Variants in SDC4 observed in about 807,000 individuals in gnomAD.
SDC4 encodes the protein syndecan-4.
SDC4 carries 17 observed loss-of-function variants against 20.5 expected under a neutral mutation model. That is an observed-to-expected ratio of 0.83 (90% CI 0.57 to 1.25). SDC4 has a LOEUF of 1.25. Ranked by LOEUF, SDC4 falls within the 50% of genes most tolerant of loss-of-function variation. SDC4 has a pLI of 0.00. For missense variants in SDC4, 241 were observed against 252.3 expected, an observed-to-expected ratio of 0.96 and a Z score of 0.30; for synonymous variants, 107 against 105.3, an observed-to-expected ratio of 1.02 and a Z score of -0.10.
intron 1 of SDC4, among the ~76,000 whole-genome samples, chr20:45,338,450 A>C (rs1987906262): frequency 2.0e-5 from 3 of 152,210 alleles, no homozygotes; most frequent in Admixed American, 2.0e-4. Context: ...CAGGGGCTGT[A>C]GTTCCATCAG....
At chr20:45,336,722 C>G (rs2267866) in intron 1 of SDC4, among the ~76,000 whole-genome samples, 111,360 of 151,828 alleles carry the variant, frequency 0.73, 41,119 homozygotes, top group East Asian at 0.95. Flanking sequence ...GGAGTGGGCT[C>G]CTGGTTCTGG....
intron 1 of SDC4, chr20:45,345,429 C>T (rs1988018235): frequency 1.3e-5 from 2 of 152,148 alleles, no homozygotes; most frequent in Non-Finnish European, 2.9e-5. Flanking sequence ...GAGGCCTCCC[C>T]CCAACCTCAT....
In SDC4 at chr20:45,325,441, G is replaced by A. The variant is rs919358268; in HGVS notation, c.*1823C>T. On this transcript the variant is annotated 3_prime_UTR_variant, in exon 5 of 5. Coordinates refer to ENST00000372733, the MANE Select transcript of SDC4 (RefSeq NM_002999.4). The stretch of plus-strand genomic sequence containing the variant: ...GAGGACCCAGCCAGCTGGGACCCTG[G>A]GTTGCAGTGGTGACGGGAGCTAATG... 6.5e-6 allele frequency: 1 copy of A among 152,776 alleles called. No homozygotes were observed. The highest frequency in any genetic ancestry group is 1.5e-5 in the Non-Finnish European group (1 of 68,152). 9.5% of individuals were successfully genotyped at this position (152,776 alleles called of 1,614,324 possible).
chr20:45,343,791 A>C (rs1470874286), intron 1 of SDC4, among the ~76,000 whole-genome samples: 3 of 152,190 alleles, frequency 2.0e-5, no homozygotes, highest in Non-Finnish European at 4.4e-5. Context: ...GGGAACTGTC[A>C]CTAAGTAACA....
At chr20:45,333,476 C>T (rs1303462594) in intron 2 of SDC4, among the ~76,000 whole-genome samples, 5 of 152,196 alleles carry the variant, frequency 3.3e-5, no homozygotes, top group African/African-American at 1.2e-4. Flanking sequence ...CGAGACCAGC[C>T]TGGCCAACAT....
In SDC4 at chr20:45,344,894, C is replaced by T. The variant is rs6130812; in HGVS notation, c.60+3431G>A. On this transcript the variant is annotated intron_variant, in intron 1 of 4. Coordinates refer to ENST00000372733, the MANE Select transcript of SDC4 (RefSeq NM_002999.4). The stretch of plus-strand genomic sequence containing the variant: ...TCACCCAGCAACGCAGAAGTAGGAC[C>T]TAAGGTATCTACCTTCAAACCCAGC... Among the ~76,000 whole-genome samples, 3 of 152,130 alleles carry T rather than the reference C, an allele frequency of 2.0e-5. No homozygotes were observed. The East Asian group carries it at 5.8e-4, about 29-fold the overall frequency.
In SDC4 at chr20:45,330,394, G is replaced by A; in HGVS notation, c.417C>T (p.Asn139=). Residue 139 remains asparagine, a synonymous_variant, in exon 4 of 5, where the codon AAC becomes AAT. Transcript: ENST00000372733. ...VSMSSTVQGS[N]IFERTEVLAA... is the part of the protein sequence containing the mutation. ...CCAGGACCTCCGTTCTCTCAAAGAT[G>A]TTGCTGCCCTGCACAGTGCTGGACA... 1 of 1,614,178 alleles carries A rather than the reference G, an allele frequency of 6.2e-7. No individual in the cohort carries two copies. Among genetic ancestry groups the A allele is most frequent in the Non-Finnish European group, 8.5e-7 (1 of 1,180,038 alleles).
chr20:45,336,870 TCA>T (rs1987878453), intron 1 of SDC4, among the ~76,000 whole-genome samples: 1 of 151,688 alleles, frequency 6.6e-6, no homozygotes, highest in Admixed American at 6.6e-5. Flanking sequence ...ACTCCTGGAT[TCA>T]GTCTTGCCTT....
Position 45,341,454 on chromosome 20 carries a change from G to C in SDC4, c.61-5534C>G, listed in dbSNP as rs571598306. Reference sequence around the variant, plus strand: ...CAGCTTTGACCACCTGTCCTAAGCAGACAGAGGTAAAGACCATTTTTATTT... The same window carrying C: ...CAGCTTTGACCACCTGTCCTAAGCACACAGAGGTAAAGACCATTTTTATTT... On this transcript the variant is annotated intron_variant, in intron 1 of 4. Transcript: ENST00000372733. Among the ~76,000 whole-genome samples the C allele has an allele frequency of 2.6e-5, 4 of 152,340 alleles. No homozygotes were observed. In the South Asian group the frequency reaches 6.2e-4, roughly 24 times the overall value.
intron 1 of SDC4, 130 bp from the exon 2 acceptor site, chr20:45,336,050 T>A: frequency 1.1e-6 from 1 of 888,044 alleles, no homozygotes; most frequent in Non-Finnish European, 1.7e-6. Flanking sequence ...ACCTGCGTCC[T>A]GGATCCCACT....
intron 1 of SDC4, among the ~76,000 whole-genome samples, chr20:45,336,274 G>A (rs780514763): frequency 2.6e-5 from 4 of 152,132 alleles, no homozygotes; most frequent in Non-Finnish European, 4.4e-5. Flanking sequence ...TCAGCTGGGC[G>A]TGGTGGCTTA....
intron 1 of SDC4, among the ~76,000 whole-genome samples, chr20:45,339,202 C>T (rs1407949833): frequency 2.6e-5 from 4 of 152,202 alleles, no homozygotes; most frequent in Non-Finnish European, 5.9e-5. Context: ...TCCTCTCCTC[C>T]GCCCTCTTTT....
chr20:45,339,469 A>G (rs1987923188), intron 1 of SDC4, among the ~76,000 whole-genome samples: 1 of 152,250 alleles, frequency 6.6e-6, no homozygotes, highest in Non-Finnish European at 1.5e-5. Flanking sequence ...TAAGTAAGAC[A>G]GTGGTGGCTA....
chr20:45,333,998 T>C (rs1987821824), intron 2 of SDC4, among the ~76,000 whole-genome samples: 1 of 58,956 alleles, frequency 1.7e-5, no homozygotes, highest in Non-Finnish European at 3.1e-5. Flanking sequence ...AATCAAAATC[T>C]ACTTTTTTTT....
rs1987683324 is a variant in SDC4 at position 45,326,152 on chromosome 20, A to T, written c.*1112T>A. On this transcript the variant is annotated 3_prime_UTR_variant, in exon 5 of 5. Transcript: ENST00000372733. Reference sequence around the variant, plus strand: ...AACCAAGGAAGAATAATAATATATTATAAGAACACAGACACAAATATCCCA... The same window carrying T: ...AACCAAGGAAGAATAATAATATATTTTAAGAACACAGACACAAATATCCCA... The T allele has an allele frequency of 6.6e-6, 1 of 152,344 alleles. No individual in the cohort carries two copies. Among genetic ancestry groups the T allele is most frequent in the African/African-American group, 2.4e-5 (1 of 41,450 alleles). The allele number at this position is 152,344 out of a possible 1,614,324, so 9.4% of individuals were successfully genotyped here.
chr20:45,329,604 G>A (rs1161039813), intron 4 of SDC4, among the ~76,000 whole-genome samples: 1 of 152,158 alleles, frequency 6.6e-6, no homozygotes, highest in African/African-American at 2.4e-5. Context: ...TATAGCTCAA[G>A]CCTCCTTGGA....
At chr20:45,346,544 T>C (rs141244859) in intron 1 of SDC4, among the ~76,000 whole-genome samples, 117 of 152,340 alleles carry the variant, frequency 7.7e-4, no homozygotes, top group Admixed American at 1.4e-3. Flanking sequence ...GAAACTGGCA[T>C]GTGACTGGGC....
At chr20:45,340,763 A>C (rs1987942517) in intron 1 of SDC4, among the ~76,000 whole-genome samples, 1 of 152,184 alleles carries the variant, frequency 6.6e-6, no homozygotes, top group Non-Finnish European at 1.5e-5. Context: ...GGGCAAGCCA[A>C]ATTTAGTGGG....
At chr20:45,346,095 G>A (rs186139788) in intron 1 of SDC4, among the ~76,000 whole-genome samples, 3 of 152,270 alleles carry the variant, frequency 2.0e-5, no homozygotes, top group Admixed American at 1.3e-4. Context: ...CACCAGATCT[G>A]TCATATAAAA....
Sources: gnomAD v4.1 joint callset for allele counts (sites outside exome capture counted in the v4.1 genomes callset) on GRCh38, gnomAD v4.1.1 for gene constraint, MANE v1.5 for transcripts, NCBI Gene and HGNC (gene_info 2026-07-23, HGNC 2026-07-21) for gene names.